The following FTO variants were observed in gnomAD, a reference collection of about 807,000 sequenced individuals.
FTO encodes FTO alpha-ketoglutarate dependent dioxygenase.
FTO carries 47 observed loss-of-function variants against 63.9 expected under a neutral mutation model. The observed-to-expected ratio is 0.74, with a 90% CI of 0.58 to 0.94. The LOEUF is 0.94. Ranked by LOEUF, FTO falls within the 40% of genes least tolerant of loss-of-function variation. The pLI is 0.00. For synonymous variants in FTO, 207 were observed against 224.4 expected, an observed-to-expected ratio of 0.92 and a Z score of 0.69; for missense variants, 562 against 618.1, an observed-to-expected ratio of 0.91 and a Z score of 0.96.
At chr16:53,723,466 G>C (rs751126386) in intron 1 of FTO, among the ~76,000 whole-genome samples, 1 of 152,186 alleles carries the variant, frequency 6.6e-6, no homozygotes, top group Non-Finnish European at 1.5e-5. Context: ...CTACTGAAAG[G>C]AGGAAAACGG....
At chr16:53,754,375 C>T (rs921849391) in intron 1 of FTO, among the ~76,000 whole-genome samples, 3 of 152,170 alleles carry the variant, frequency 2.0e-5, no homozygotes, top group Admixed American at 6.5e-5. Flanking sequence ...CGGTGGCTCA[C>T]GCCTGTAATC....
chr16:53,782,185 T>G (rs1281825140), intron 1 of FTO, among the ~76,000 whole-genome samples: 2 of 152,224 alleles, frequency 1.3e-5, no homozygotes, highest in Non-Finnish European at 2.9e-5. Context: ...GCTTGTGTTT[T>G]TGTTTTGTTT....
chr16:53,837,626 G>A (rs776396968), intron 3 of FTO, among the ~76,000 whole-genome samples: 1 of 152,072 alleles, frequency 6.6e-6, no homozygotes, highest in Non-Finnish European at 1.5e-5. Flanking sequence ...CTTGCAACCC[G>A]TCAAGGAAAG....
chr16:53,811,087 G>T (rs1358118143), intron 2 of FTO, among the ~76,000 whole-genome samples: 1 of 152,126 alleles, frequency 6.6e-6, no homozygotes, highest in African/African-American at 2.4e-5. Flanking sequence ...GCTCCTGTTT[G>T]CCCAGCCTAG....
chr16:53,704,874 T>C (rs1971925574), intron 1 of FTO, among the ~76,000 whole-genome samples: 1 of 152,214 alleles, frequency 6.6e-6, no homozygotes, highest in African/African-American at 2.4e-5. Flanking sequence ...GATTGCAAGA[T>C]AGATATTATA....
chr16:53,704,319 G>A, intron 1 of FTO, 90 bp downstream of exon 1: 4 of 1,315,444 alleles, frequency 3.0e-6, no homozygotes, highest in Non-Finnish European at 4.3e-6. Flanking sequence ...GCGAGCGGAT[G>A]CGCGGTGTTA....
intron 1 of FTO, among the ~76,000 whole-genome samples, chr16:53,744,677 G>A (rs371626630): frequency 3.9e-5 from 6 of 152,214 alleles, no homozygotes; most frequent in South Asian, 4.2e-4. Flanking sequence ...GACATATTTC[G>A]TAGCTGATCA....
intron 1 of FTO, among the ~76,000 whole-genome samples, chr16:53,760,943 A>G (rs8057313): frequency 0.31 from 46,679 of 151,242 alleles, 9,707 homozygotes; most frequent in African/African-American, 0.6. Flanking sequence ...TATCTTTCAC[A>G]TTGACTTTGA....
chr16:53,844,330 A>G, intron 4 of FTO, 32 bp downstream of exon 4: 2 of 1,528,772 alleles, frequency 1.3e-6, no homozygotes, highest in East Asian at 4.5e-5. Flanking sequence ...TTATATTGAA[A>G]CTCTAGTGTC....
intron 8 of FTO, among the ~76,000 whole-genome samples, chr16:53,990,634 A>G (rs1269336435): frequency 7.8e-6 from 1 of 128,488 alleles, no homozygotes; most frequent in Non-Finnish European, 1.6e-5. Context: ...CATGCTTTGC[A>G]TACATTTCTT....
At chr16:53,731,303 ACC>A (rs925463547) in intron 1 of FTO, among the ~76,000 whole-genome samples, 1 of 152,170 alleles carries the variant, frequency 6.6e-6, no homozygotes, top group African/African-American at 2.4e-5. Flanking sequence ...TGTCCTGGCT[ACC>A]TATAGGGATC....
At chr16:53,846,255 G>C (rs567595331) in intron 4 of FTO, among the ~76,000 whole-genome samples, 1 of 152,246 alleles carries the variant, frequency 6.6e-6, no homozygotes, top group South Asian at 2.1e-4. Flanking sequence ...TCTCCTGCCT[G>C]ATCTCAGGAA....
Position 53,711,165 on chromosome 16 carries a change from A to G in FTO, c.45+6936A>G, listed in dbSNP as rs184030118. On this transcript the variant is annotated intron_variant, in intron 1 of 8. Transcript: ENST00000471389. ...CCCAGTAGATATATATTCTGTATGT[A>G]TATATATATATATGTATTCTGATCC... Among the ~76,000 whole-genome samples, 71 of 151,170 alleles carry G rather than the reference A, an allele frequency of 4.7e-4. No individual in the cohort carries two copies. The East Asian group carries it at 0.012, about 26-fold the overall frequency.
intron 4 of FTO, among the ~76,000 whole-genome samples, chr16:53,844,977 G>C (rs2079580703): frequency 1.3e-5 from 2 of 151,788 alleles, no homozygotes; most frequent in East Asian, 1.9e-4. Flanking sequence ...CCTGACAATG[G>C]GGCCTTTCTC....
intron 8 of FTO, among the ~76,000 whole-genome samples, chr16:53,976,486 G>T (rs28478013): frequency 6.6e-6 from 1 of 151,690 alleles, no homozygotes; most frequent in Non-Finnish European, 1.5e-5. Flanking sequence ...CCAAAACTTT[G>T]TGTGTTTTTA....
chr16:53,715,300 G>T (rs1302424175), intron 1 of FTO, among the ~76,000 whole-genome samples: 1 of 152,126 alleles, frequency 6.6e-6, no homozygotes, highest in African/African-American at 2.4e-5. Context: ...AGTTATGCTG[G>T]TGTTTTATGT....
At chr16:54,106,170 C>G (rs929506348) in intron 8 of FTO, among the ~76,000 whole-genome samples, 3 of 152,106 alleles carry the variant, frequency 2.0e-5, no homozygotes, top group Non-Finnish European at 4.4e-5. Flanking sequence ...CCAGTGTTCA[C>G]TAATGTAGCT....
Position 54,112,016 on chromosome 16 carries a change from C to A in FTO, c.*101C>A, listed in dbSNP as rs1487229294. On this transcript the variant is annotated 3_prime_UTR_variant, in exon 9 of 9. Coordinates refer to ENST00000471389, the MANE Select transcript of FTO (RefSeq NM_001080432.3). ...GAGCAGTGGAGACTTCTCTTGGCCCCTAGATTGTAGCACCCGGGTCCCAAT... is the reference window on the plus strand; with the variant it reads ...GAGCAGTGGAGACTTCTCTTGGCCCATAGATTGTAGCACCCGGGTCCCAAT... The A allele has an allele frequency of 2.3e-5, 30 of 1,332,100 alleles. No homozygotes were observed. Among genetic ancestry groups the A allele is most frequent in the Non-Finnish European group, 3.2e-5 (30 of 929,546 alleles). The allele number at this position is 1,332,100 out of a possible 1,614,324, so 82.5% of individuals were successfully genotyped here. A position where few individuals can be genotyped will look rare whatever the true frequency, so the allele number is the denominator to read the frequency against.
chr16:53,983,217 G>A (rs2083587404), intron 8 of FTO, among the ~76,000 whole-genome samples: 1 of 152,128 alleles, frequency 6.6e-6, no homozygotes, highest in African/African-American at 2.4e-5. Flanking sequence ...GAAAATGCAT[G>A]TCTGATACTC....
Sources: gnomAD v4.1 joint callset for allele counts (sites outside exome capture counted in the v4.1 genomes callset) on GRCh38, gnomAD v4.1.1 for gene constraint, MANE v1.5 for transcripts, NCBI Gene and HGNC (gene_info 2026-07-23, HGNC 2026-07-21) for gene names.